The following CRPPA variants were observed in gnomAD, a reference collection of about 807,000 sequenced individuals.
CRPPA encodes D-ribitol-5-phosphate cytidylyltransferase.
In CRPPA, 43 loss-of-function variants were observed where a neutral mutation model predicts 52.0. That is an observed-to-expected ratio of 0.83 (90% confidence interval 0.65 to 1.07). CRPPA has a LOEUF of 1.07. Ranked by LOEUF, CRPPA falls within the 50% of genes least tolerant of loss-of-function variation. CRPPA has a pLI of 0.00. For missense variants in CRPPA, 629 were observed against 551.7 expected (o/e 1.14, Z -1.40); for synonymous variants, 250 against 203.5 (o/e 1.23, Z -1.94).
At chr7:16,312,934 T>C (rs56076119) in intron 3 of CRPPA, among the ~76,000 whole-genome samples, 34,315 of 151,830 alleles carry the variant, frequency 0.23, 4,678 homozygotes, top group Admixed American at 0.31. Flanking sequence ...CAGTCAGTTG[T>C]GGGGTTTTGC....
intron 3 of CRPPA, among the ~76,000 whole-genome samples, chr7:16,373,935 A>G (rs539795724): frequency 2.6e-5 from 4 of 152,304 alleles, no homozygotes; most frequent in Middle Eastern, 3.4e-3. Flanking sequence ...GCCACATTCA[A>G]CAGTGACCAT....
intron 9 of CRPPA, chr7:16,210,745 T>A (rs1048439649): frequency 1.3e-5 from 2 of 152,108 alleles, no homozygotes; most frequent in African/African-American, 4.8e-5. Context: ...ATGCACTGTT[T>A]AAAGAAATTC....
chr7:16,383,892 G>T (rs200081890), intron 2 of CRPPA, among the ~76,000 whole-genome samples: 2 of 152,140 alleles, frequency 1.3e-5, no homozygotes, highest in African/African-American at 2.4e-5. Context: ...TCCAGGTGCC[G>T]TCTGTCACCC....
intron 2 of CRPPA, among the ~76,000 whole-genome samples, chr7:16,400,013 C>T (rs1325158488): frequency 3.9e-5 from 6 of 152,062 alleles, no homozygotes; most frequent in Non-Finnish European, 8.8e-5. Context: ...GTGACTGACT[C>T]GCGAATGACA....
rs1387820632 is a variant in CRPPA at position 16,284,836 on chromosome 7, C to CA, written c.836-6611dup. Among the ~76,000 whole-genome samples, 15 of 150,842 alleles carry CA rather than the reference C, an allele frequency of 9.9e-5. No individual in the cohort carries two copies. The East Asian group carries it at 1.8e-3, about 18-fold the overall frequency. ...TTGTGGATGGCAATTAAGATTGTCTCAAAAAAAACAGTAATGACTGTACTT... is the reference window on the plus strand; with the variant it reads ...TTGTGGATGGCAATTAAGATTGTCTCAAAAAAAAACAGTAATGACTGTACTT... On this transcript the variant is annotated intron_variant, in intron 5 of 9. Transcript: ENST00000407010.
intron 3 of CRPPA, among the ~76,000 whole-genome samples, chr7:16,341,678 A>G (rs1437880276): frequency 1.3e-5 from 2 of 152,130 alleles, no homozygotes; most frequent in Non-Finnish European, 2.9e-5. Context: ...TTAATTAATA[A>G]CGTGTATTCT....
At chr7:16,212,822 T>C (rs1446097811) in intron 9 of CRPPA, among the ~76,000 whole-genome samples, 1 of 152,118 alleles carries the variant, frequency 6.6e-6, no homozygotes, top group East Asian at 1.9e-4. Flanking sequence ...ATATAACTAG[T>C]TTTTCCAGTG....
intron 2 of CRPPA, among the ~76,000 whole-genome samples, chr7:16,397,140 C>T (rs1057452766): frequency 2.0e-5 from 3 of 152,242 alleles, no homozygotes; most frequent in African/African-American, 4.8e-5. Context: ...GTTAGAGATG[C>T]GTGTCTGACA....
intron 4 of CRPPA, among the ~76,000 whole-genome samples, chr7:16,303,105 C>T (rs1443748958): frequency 6.6e-6 from 1 of 152,120 alleles, no homozygotes; most frequent in East Asian, 1.9e-4. Flanking sequence ...TTAAAATTCA[C>T]TAGTTTTGGT....
intron 8 of CRPPA, among the ~76,000 whole-genome samples, chr7:16,244,019 A>G (rs1783198516): frequency 1.3e-5 from 2 of 152,214 alleles, no homozygotes; most frequent in African/African-American, 4.8e-5. Context: ...GCATACTATT[A>G]TATAATGTCT....
intron 8 of CRPPA, among the ~76,000 whole-genome samples, chr7:16,246,411 T>C (rs1426931953): frequency 6.6e-6 from 1 of 152,186 alleles, no homozygotes; most frequent in East Asian, 1.9e-4. Context: ...AAGTCTTCCA[T>C]GAGGTTTGGA....
chr7:16,348,935 C>T (rs1389747155), intron 3 of CRPPA, among the ~76,000 whole-genome samples: 1 of 152,162 alleles, frequency 6.6e-6, no homozygotes, highest in African/African-American at 2.4e-5. Context: ...CTTTGTATTC[C>T]TGAATAGTCC....
At chr7:16,281,060 G>C (rs974284042) in intron 5 of CRPPA, among the ~76,000 whole-genome samples, 8 of 152,166 alleles carry the variant, frequency 5.3e-5, no homozygotes, top group Non-Finnish European at 1.0e-4. Flanking sequence ...CCTATGCCAT[G>C]TTTCAGTTAC....
rs540828773 is a variant in CRPPA at position 16,285,928 on chromosome 7, G to A, written c.836-7702C>T. ...CCCATCTACTTGGGTGGCTGAGCAG[G>A]AGAATCGCTTGAACCTGGGAGGCAG... On this transcript the variant is annotated intron_variant, in intron 5 of 9. Coordinates refer to ENST00000407010, the MANE Select transcript of CRPPA (RefSeq NM_001101426.4). 2.1e-5 allele frequency among the ~76,000 whole-genome samples: 3 copies of A among 140,426 alleles called. No individual in the cohort carries two copies. The East Asian group carries it at 6.4e-4, about 30-fold the overall frequency. The allele number at this position is 140,426 out of a possible 152,430, so 92.1% of individuals were successfully genotyped here.
intron 2 of CRPPA, among the ~76,000 whole-genome samples, chr7:16,386,784 G>A (rs1787280219): frequency 6.6e-6 from 1 of 151,940 alleles, no homozygotes; most frequent in African/African-American, 2.4e-5. Flanking sequence ...ACTCTGGGAG[G>A]GAGAAGCAGG....
At chr7:16,221,048 T>A (rs1472550498) in intron 8 of CRPPA, among the ~76,000 whole-genome samples, 1 of 152,038 alleles carries the variant, frequency 6.6e-6, no homozygotes, top group Non-Finnish European at 1.5e-5. Context: ...CAAACTATAC[T>A]ACAAGGCTAC....
intron 8 of CRPPA, among the ~76,000 whole-genome samples, chr7:16,229,637 C>A (rs1351468089): frequency 3.3e-5 from 5 of 152,038 alleles, no homozygotes; most frequent in African/African-American, 4.8e-5. Context: ...ATAGGTTTGC[C>A]TTTTTGCCTT....
At chr7:16,282,568 G>C (rs1784341011) in intron 5 of CRPPA, among the ~76,000 whole-genome samples, 1 of 152,062 alleles carries the variant, frequency 6.6e-6, no homozygotes, top group Non-Finnish European at 1.5e-5. Context: ...GTAGGTAAAA[G>C]ACAGGGAAGC....
intron 2 of CRPPA, among the ~76,000 whole-genome samples, chr7:16,383,226 T>A (rs2128313451): frequency 6.6e-6 from 1 of 152,330 alleles, no homozygotes; most frequent in Admixed American, 6.5e-5. Flanking sequence ...GACCCTCAGC[T>A]GCAGGTCTGT....
Sources: gnomAD v4.1 joint callset for allele counts (sites outside exome capture counted in the v4.1 genomes callset) on GRCh38, gnomAD v4.1.1 for gene constraint, MANE v1.5 for transcripts, NCBI Gene and HGNC (gene_info 2026-07-23, HGNC 2026-07-21) for gene names.